COL24A1: variants seen among roughly 807,000 people sequenced by gnomAD.
COL24A1 encodes the protein collagen type XXIV alpha 1 chain, also known as collagen alpha-1(XXIV) chain.
In COL24A1, 224 loss-of-function variants were observed where a neutral mutation model predicts 253.9. The observed-to-expected ratio is 0.88, with a 90% CI of 0.79 to 0.99. The LOEUF (loss-of-function observed/expected upper bound fraction) is 0.99. COL24A1 is among the 50% of genes least tolerant of loss of function. The pLI is 0.00. For synonymous variants in COL24A1, 685 were observed against 673.7 expected (o/e 1.02, Z -0.26); for missense variants, 2,131 against 2,068.5 (o/e 1.03, Z -0.59).
intron 47 of COL24A1, among the ~76,000 whole-genome samples, chr1:85,799,261 A>T (rs537694009): frequency 4.6e-5 from 7 of 151,966 alleles, no homozygotes; most frequent in Non-Finnish European, 1.0e-4. Context: ...AGAAAAGAAC[A>T]TTGTTTAGGA....
In COL24A1 at chr1:85,764,388, TAAG is replaced by T. The variant is rs550779977; in HGVS notation, c.4375-2825_4375-2823del. 1.2e-3 allele frequency among the ~76,000 whole-genome samples: 181 copies of T among 151,286 alleles called. 1 individual carries two copies. The highest frequency in any genetic ancestry group is 6.8e-3 in the Middle Eastern group (2 of 292). ...ACAAGTCATAGGGCGTGACTGCAAA[TAAG>T]AACATAAACTCTTCAAGTTGTCATG... On this transcript the variant is annotated intron_variant, in intron 53 of 59. Coordinates refer to ENST00000370571, the MANE Select transcript of COL24A1 (RefSeq NM_152890.7).
At chr1:86,140,829 C>T (rs1411958658) in intron 2 of COL24A1, among the ~76,000 whole-genome samples, 3 of 152,126 alleles carry the variant, frequency 2.0e-5, no homozygotes, top group African/African-American at 4.8e-5. Flanking sequence ...AAAACTCAGA[C>T]TTACATAATT....
intron 24 of COL24A1, among the ~76,000 whole-genome samples, chr1:85,949,992 C>G (rs1280341400): frequency 3.9e-5 from 6 of 152,104 alleles, no homozygotes; most frequent in African/African-American, 1.4e-4. Flanking sequence ...TGTACATGTT[C>G]TGTTACCTAG....
chr1:85,746,477 G>A (rs1665227195), intron 55 of COL24A1, among the ~76,000 whole-genome samples: 1 of 152,068 alleles, frequency 6.6e-6, no homozygotes, highest in African/African-American at 2.4e-5. Context: ...TTGCCCTTAT[G>A]GAACTTAAAT....
Position 85,786,404 on chromosome 1 carries a change from C to G in COL24A1, c.4009G>C (p.Val1337Leu), listed in dbSNP as rs1160576997. Residue 1337 changes from valine (V) to leucine (L), a missense_variant, in exon 48 of 60, where the codon GTA (valine) becomes CTA (leucine). By Grantham distance (32) the Val-to-Leu change is conservative (BLOSUM62 1). Transcript: ENST00000370571. ...GLAGAPGPPG[V>L]KGSSGLPGSP... ...CCTGGCAAGCCTGATGAACCCTTTA[C>G]TCCTGGAGGACCTGGAGCCCCAGCA... is the stretch of plus-strand genomic sequence containing the variant. 6.2e-7 allele frequency: 1 copy of G among 1,613,830 alleles called. No individual in the cohort carries two copies. The highest frequency in any genetic ancestry group is 1.7e-5 in the Admixed American group (1 of 60,002).
In COL24A1 at chr1:85,948,842, A is replaced by C. The variant is rs143477745; in HGVS notation, c.2562+12407T>G. ...GTACCCTAGAACTTAAAGTATAATA[A>C]AAAATATATATATATTAAAAAAAAT... On this transcript the variant is annotated intron_variant, in intron 24 of 59. Transcript: ENST00000370571. Among the ~76,000 whole-genome samples the C allele has an allele frequency of 4.1e-3, 615 of 151,544 alleles. 6 individuals carry two copies. Among genetic ancestry groups the C allele is most frequent in the African/African-American group, 0.014 (565 of 41,484 alleles).
chr1:85,983,942 G>T (rs1018269506), intron 20 of COL24A1, among the ~76,000 whole-genome samples: 20 of 151,660 alleles, frequency 1.3e-4, no homozygotes, highest in Non-Finnish European at 2.5e-4. Flanking sequence ...TCATGATGTT[G>T]GTACTAATGA....
chr1:86,156,561 G>C lies in COL24A1; in HGVS notation c.-165C>G, dbSNP rs1653651389. ...AAAGGAGGGGAGGGGGTGAAGTCGG[G>C]AGGAGGTAGGAAATAGCACCCGAAG... is the stretch of plus-strand genomic sequence containing the variant. On this transcript the variant is annotated 5_prime_UTR_variant, in exon 1 of 60. Coordinates refer to ENST00000370571, the MANE Select transcript of COL24A1 (RefSeq NM_152890.7). 1.9e-6 allele frequency: 1 copy of C among 519,710 alleles called. No individual in the cohort carries two copies. The highest frequency in any genetic ancestry group is 3.2e-6 in the Non-Finnish European group (1 of 312,214). 32.2% of individuals were successfully genotyped at this position (519,710 alleles called of 1,614,324 possible).
chr1:85,992,292 T>C (rs1036866724), intron 19 of COL24A1, among the ~76,000 whole-genome samples: 12 of 152,346 alleles, frequency 7.9e-5, no homozygotes, highest in Admixed American at 3.3e-4. Flanking sequence ...ATGGTGTATA[T>C]GATAAGCACA....
At chr1:86,070,472 A>G (rs906395425) in intron 7 of COL24A1, among the ~76,000 whole-genome samples, 1 of 152,234 alleles carries the variant, frequency 6.6e-6, no homozygotes, top group South Asian at 2.1e-4. Flanking sequence ...TCAAGATTCA[A>G]GTACAAGAAG....
At chr1:86,053,852 A>G (rs2101705600) in intron 10 of COL24A1, among the ~76,000 whole-genome samples, 1 of 152,268 alleles carries the variant, frequency 6.6e-6, no homozygotes. Context: ...TTCATGTACA[A>G]TGCATAACAT....
intron 7 of COL24A1, among the ~76,000 whole-genome samples, chr1:86,077,598 T>A (rs1195697797): frequency 6.6e-6 from 1 of 152,028 alleles, no homozygotes; most frequent in Non-Finnish European, 1.5e-5. Context: ...CAAATGCCCA[T>A]CAATGATAGA....
chr1:85,933,087 T>TA (rs747954578), intron 24 of COL24A1, among the ~76,000 whole-genome samples: 19,179 of 118,842 alleles, frequency 0.16, 835 homozygotes, highest in East Asian at 0.27. Flanking sequence ...TAGAGTATAA[T>TA]AAAAAAAAAA....
chr1:86,001,444 T>G (rs1256468617), intron 19 of COL24A1, among the ~76,000 whole-genome samples: 1 of 152,176 alleles, frequency 6.6e-6, no homozygotes, highest in East Asian at 1.9e-4. Flanking sequence ...CATGGTATGG[T>G]TAAGTTGAGA....
intron 21 of COL24A1, 74 bp downstream of exon 21, chr1:85,971,266 C>T (rs2100769085): frequency 3.3e-6 from 4 of 1,194,322 alleles, no homozygotes; most frequent in East Asian, 4.8e-5. Flanking sequence ...AAACTGAAGG[C>T]CCACAATAAA....
At position 86,094,525 on chromosome 1, in the gene COL24A1, C is replaced by G. The variant is rs116623380; in HGVS notation, c.1600-2205G>C. On this transcript the variant is annotated intron_variant, in intron 5 of 59. Transcript: ENST00000370571. Reference sequence around the variant, plus strand: ...ATCAGGAAAAATAACTAATGGGAACCAGGCTCAATACCTGGGTGATGAAAT... The same window carrying G: ...ATCAGGAAAAATAACTAATGGGAACGAGGCTCAATACCTGGGTGATGAAAT... Among the ~76,000 whole-genome samples the G allele has an allele frequency of 8.1e-3, 1,224 of 151,974 alleles. 15 individuals carry two copies. Among genetic ancestry groups the G allele is most frequent in the African/African-American group, 0.028 (1,175 of 41,516 alleles).
At chr1:85,913,380 C>T (rs1486099701) in intron 24 of COL24A1, among the ~76,000 whole-genome samples, 2 of 152,164 alleles carry the variant, frequency 1.3e-5, no homozygotes, top group African/African-American at 4.8e-5. Context: ...GGTGCTGTTT[C>T]TCCTATAACT....
chr1:85,884,545 T>C (rs1322782394), intron 32 of COL24A1, among the ~76,000 whole-genome samples: 1 of 152,170 alleles, frequency 6.6e-6, no homozygotes, highest in Non-Finnish European at 1.5e-5. Context: ...GGGCATTCTA[T>C]AGTTCTACAA....
intron 11 of COL24A1, among the ~76,000 whole-genome samples, chr1:86,048,692 G>A (rs577211106): frequency 8.7e-4 from 132 of 152,072 alleles, no homozygotes; most frequent in Non-Finnish European, 1.7e-3. Context: ...GGGTTTCACC[G>A]TGTTAGCCAG....
Sources: gnomAD v4.1 joint callset for allele counts (sites outside exome capture counted in the v4.1 genomes callset) on GRCh38, gnomAD v4.1.1 for gene constraint, MANE v1.5 for transcripts, NCBI Gene and HGNC (gene_info 2026-07-23, HGNC 2026-07-21) for gene names.